Variants in TVP23A observed in about 807,000 individuals in gnomAD.
The protein encoded by TVP23A is trans-golgi network vesicle protein 23 homolog A, also known as Golgi apparatus membrane protein TVP23 homolog A.
In TVP23A, 21 loss-of-function variants were observed where a neutral mutation model predicts 31.7. The observed-to-expected ratio is 0.66, with a 90% CI of 0.47 to 0.95. TVP23A has a LOEUF of 0.95. Ranked by LOEUF, TVP23A falls within the 40% of genes least tolerant of loss-of-function variation. The probability of loss-of-function intolerance (pLI) is 0.00; values close to 1 mark genes in which losing one functional copy is unlikely to be tolerated. For synonymous variants in TVP23A, 104 were observed against 96.0 expected (o/e 1.08, Z -0.49); for missense variants, 279 against 255.6 (o/e 1.09, Z -0.62).
intron 2 of TVP23A, among the ~76,000 whole-genome samples, chr16:10,806,945 AT>A (rs2033974336): frequency 6.6e-6 from 1 of 152,220 alleles, no homozygotes; most frequent in African/African-American, 2.4e-5. Flanking sequence ...GAGAACTGAA[AT>A]TTGTCTAGTT....
chr16:10,817,110 G>T (rs1419779858), intron 2 of TVP23A, among the ~76,000 whole-genome samples: 2 of 152,166 alleles, frequency 1.3e-5, no homozygotes. Flanking sequence ...TCTTCCGAAG[G>T]GAGTGTGGCA....
chr16:10,758,015 C>T (rs371722394), downstream of TVP23A: 6 of 1,613,588 alleles, frequency 3.7e-6, no homozygotes, highest in African/African-American at 8.0e-5. Flanking sequence ...CAGTGATCAT[C>T]ACCACTCCCC....
At chr16:10,798,131 A>AT (rs571506029) in intron 2 of TVP23A, among the ~76,000 whole-genome samples, 101 of 144,240 alleles carry the variant, frequency 7.0e-4, no homozygotes, top group South Asian at 2.0e-3. Context: ...AATTTTTTGT[A>AT]TTTTTTTTTT....
chr16:10,803,561 A>G (rs1401186079), intron 2 of TVP23A, among the ~76,000 whole-genome samples: 1 of 151,982 alleles, frequency 6.6e-6, no homozygotes, highest in East Asian at 1.9e-4. Flanking sequence ...ATATTCAACA[A>G]CTGATATGGG....
rs1308592306 is a variant in TVP23A, at chr16:10,767,162, G to A, written c.*1940C>T. On this transcript the variant is annotated 3_prime_UTR_variant, in exon 8 of 8. Coordinates refer to ENST00000299866, the MANE Select transcript of TVP23A (RefSeq NM_001079512.4). The surrounding 1 kb of genome is among the most constrained non-coding windows in gnomAD (Gnocchi z 4.6). ...TTCGCCAGCAGCTCAGGCCTGGGGAGTGGGCAGAGCAAGCTGATGGCAGGT... is the reference window on the plus strand; with the variant it reads ...TTCGCCAGCAGCTCAGGCCTGGGGAATGGGCAGAGCAAGCTGATGGCAGGT... The A allele has an allele frequency of 7.5e-6, 3 of 399,372 alleles. No homozygotes were observed. The East Asian group carries it at 1.1e-4, about 14-fold the overall frequency. The allele number at this position is 399,372 out of a possible 1,614,324, so 24.7% of individuals were successfully genotyped here. A position where few individuals can be genotyped will look rare whatever the true frequency, so the allele number is the denominator to read the frequency against.
chr16:10,781,695 C>T (rs985434059), intron 2 of TVP23A, among the ~76,000 whole-genome samples: 3 of 152,026 alleles, frequency 2.0e-5, no homozygotes, highest in African/African-American at 7.2e-5. Flanking sequence ...CCAAATCTGG[C>T]CATGGCCTGC....
chr16:10,774,598 TTC>T (rs146066049), intron 3 of TVP23A, among the ~76,000 whole-genome samples: 3 of 140,876 alleles, frequency 2.1e-5, no homozygotes, highest in Admixed American at 7.1e-5. Flanking sequence ...TTGGCTCTCA[TTC>T]TCTCTCTTTT....
intron 2 of TVP23A, among the ~76,000 whole-genome samples, chr16:10,782,694 G>A (rs1198412516): frequency 6.6e-6 from 1 of 151,952 alleles, no homozygotes; most frequent in African/African-American, 2.4e-5. Flanking sequence ...TGTAGAGATG[G>A]GATCTCACTA....
chr16:10,762,479 GC>G (rs2030084900), downstream of TVP23A, among the ~76,000 whole-genome samples: 1 of 152,220 alleles, frequency 6.6e-6, no homozygotes. Flanking sequence ...GCGCCCACTC[GC>G]CGCGGGGCGC....
intron 2 of TVP23A, among the ~76,000 whole-genome samples, chr16:10,808,776 C>A (rs1166421030): frequency 6.6e-6 from 1 of 152,150 alleles, no homozygotes; most frequent in African/African-American, 2.4e-5. Flanking sequence ...GATCTTATCC[C>A]CCCACAACTC....
At chr16:10,787,152 C>G (rs1188152177) in intron 2 of TVP23A, among the ~76,000 whole-genome samples, 1 of 152,312 alleles carries the variant, frequency 6.6e-6, no homozygotes, top group African/African-American at 2.4e-5. Context: ...GCCCCACGCT[C>G]CTGCTCCATG....
At chr16:10,778,466 C>T (rs576691000) in intron 2 of TVP23A, among the ~76,000 whole-genome samples, 16 of 152,234 alleles carry the variant, frequency 1.1e-4, no homozygotes, top group Admixed American at 2.0e-4. Flanking sequence ...GTCCCTTGCC[C>T]CTGGAGATAA....
At chr16:10,797,009 G>C (rs1567303509) in intron 2 of TVP23A, among the ~76,000 whole-genome samples, 1 of 152,010 alleles carries the variant, frequency 6.6e-6, no homozygotes, top group Non-Finnish European at 1.5e-5. Context: ...GGGCAACATA[G>C]TGAGAGCTCA....
intron 2 of TVP23A, among the ~76,000 whole-genome samples, chr16:10,795,316 T>C (rs969017065): frequency 6.6e-6 from 1 of 151,484 alleles, no homozygotes; most frequent in Non-Finnish European, 1.5e-5. Context: ...AGTGGCATGA[T>C]CTTGGCTAAC....
downstream of TVP23A, among the ~76,000 whole-genome samples, chr16:10,762,802 G>T (rs939515512): frequency 6.6e-6 from 1 of 152,142 alleles, no homozygotes; most frequent in Non-Finnish European, 1.5e-5. Context: ...AGGAGAGGGT[G>T]GGGGCCGCGT....
chr16:10,770,144 TG>T, intron 7 of TVP23A, 127 bp downstream of exon 7: 2 of 1,177,402 alleles, frequency 1.7e-6, no homozygotes, highest in Non-Finnish European at 2.4e-6. Context: ...GCTTCCTGCC[TG>T]GTCACATGCC....
At chr16:10,778,626 G>T (rs902716693) in intron 2 of TVP23A, among the ~76,000 whole-genome samples, 2 of 151,062 alleles carry the variant, frequency 1.3e-5, no homozygotes, top group African/African-American at 4.9e-5. Context: ...AGAATCACTG[G>T]AAACATCTGT....
At position 10,774,139 on chromosome 16, in the gene TVP23A, T is replaced by C. The variant is rs533488915; in HGVS notation, c.235-11A>G. 6.9e-5 allele frequency: 111 copies of C among 1,599,798 alleles called. 2 individuals are homozygous for C. The South Asian group carries it at 9.9e-4, about 14-fold the overall frequency. ...TCTTCCGGTTACATTCTGAGAACAA[T>C]AGACAAAGGACTCTGAGCAGGTCAC... On this transcript the variant is annotated splice_polypyrimidine_tract_variant and intron_variant, in intron 3 of 7. Transcript: ENST00000299866.
chr16:10,777,399 T>C lies in TVP23A; in HGVS notation c.90-2303A>G, dbSNP rs2032105609. On this transcript the variant is annotated intron_variant, in intron 2 of 7. Coordinates refer to ENST00000299866, the MANE Select transcript of TVP23A (RefSeq NM_001079512.4). This position sits in a 1 kb window ranked among gnomAD's most constrained non-coding sequence, Gnocchi z 4.5. Reference sequence around the variant, plus strand: ...GCAACCTCTGGATTAGGTTACAAAATGTTGTGGGCTTTGGAAAATGCGGGG... The same window carrying C: ...GCAACCTCTGGATTAGGTTACAAAACGTTGTGGGCTTTGGAAAATGCGGGG... Among the ~76,000 whole-genome samples the C allele has an allele frequency of 6.6e-6, 1 of 152,014 alleles. No homozygotes were observed. The highest frequency in any genetic ancestry group is 2.1e-4 in the South Asian group (1 of 4,814).
Sources: allele counts gnomAD v4.1 joint callset (sites outside exome capture counted in the v4.1 genomes callset), GRCh38; gene constraint gnomAD v4.1.1; non-coding constraint Gnocchi (gnomAD v3.1); transcripts MANE v1.5; gene names NCBI Gene and HGNC (gene_info 2026-07-23, HGNC 2026-07-21).